Variants in KCNQ5 observed in about 807,000 individuals in gnomAD.
KCNQ5 encodes potassium voltage-gated channel subfamily KQT member 5.
KCNQ5 carries 30 observed loss-of-function variants against 98.2 expected under a neutral mutation model. The observed-to-expected ratio is 0.31, with a 90% CI of 0.23 to 0.41. The LOEUF is 0.41. Ranked by LOEUF, KCNQ5 falls within the 10% of genes least tolerant of loss-of-function variation. The pLI, the probability that KCNQ5 is intolerant of heterozygous loss-of-function variation, is 1.00. For synonymous variants in KCNQ5, 458 were observed against 449.4 expected (o/e 1.02, Z -0.24); for missense variants, 835 against 1,182.5 (o/e 0.71, Z 4.31).
At chr6:72,703,050 A>G (rs1389464559) in intron 1 of KCNQ5, among the ~76,000 whole-genome samples, 2 of 152,138 alleles carry the variant, frequency 1.3e-5, no homozygotes, top group East Asian at 3.8e-4. Flanking sequence ...TAGGATGCAG[A>G]TCTGTTTCTG....
chr6:72,685,500 A>G (rs535958454), intron 1 of KCNQ5, among the ~76,000 whole-genome samples: 1 of 152,196 alleles, frequency 6.6e-6, no homozygotes, highest in South Asian at 2.1e-4. Flanking sequence ...CCAATTTCTT[A>G]CTCCAGAGTC....
At chr6:72,877,881 C>T (rs1443073340) in intron 1 of KCNQ5, among the ~76,000 whole-genome samples, 1 of 152,176 alleles carries the variant, frequency 6.6e-6, no homozygotes, top group Non-Finnish European at 1.5e-5. Context: ...ACCACAGACT[C>T]CTTGAATTTT....
chr6:72,766,631 A>G (rs1772586294), intron 1 of KCNQ5, among the ~76,000 whole-genome samples: 1 of 151,988 alleles, frequency 6.6e-6, no homozygotes, highest in Non-Finnish European at 1.5e-5. Context: ...GGATTTGCTA[A>G]CACTTTCTAT....
chr6:73,146,591 C>T (rs1260621478), intron 10 of KCNQ5, among the ~76,000 whole-genome samples: 1 of 135,874 alleles, frequency 7.4e-6, no homozygotes, highest in Admixed American at 8.1e-5. Flanking sequence ...CGCATCACTG[C>T]ACTCCATCCT....
intron 1 of KCNQ5, among the ~76,000 whole-genome samples, chr6:72,860,853 GTA>G (rs1777735986): frequency 1.4e-5 from 1 of 72,808 alleles, no homozygotes; most frequent in African/African-American, 3.9e-5. Flanking sequence ...GTGTGTGTGT[GTA>G]TGTGTGTGTG....
intron 1 of KCNQ5, among the ~76,000 whole-genome samples, chr6:72,738,461 A>G (rs909163227): frequency 6.6e-6 from 1 of 152,096 alleles, no homozygotes; most frequent in Non-Finnish European, 1.5e-5. Context: ...TCCATTTACT[A>G]TTTTTTAGTA....
intron 1 of KCNQ5, among the ~76,000 whole-genome samples, chr6:72,949,258 T>G (rs1766686319): frequency 6.6e-6 from 1 of 152,184 alleles, no homozygotes; most frequent in African/African-American, 2.4e-5. Flanking sequence ...ATTTCCTCTT[T>G]TGGAGATATT....
intron 1 of KCNQ5, among the ~76,000 whole-genome samples, chr6:72,791,971 T>C (rs928439328): frequency 6.6e-6 from 1 of 152,126 alleles, no homozygotes; most frequent in Non-Finnish European, 1.5e-5. Flanking sequence ...CACATGAACT[T>C]TGGGGGACAC....
At chr6:73,127,375 A>G (rs1776032961) in intron 9 of KCNQ5, among the ~76,000 whole-genome samples, 1 of 152,102 alleles carries the variant, frequency 6.6e-6, no homozygotes, top group Non-Finnish European at 1.5e-5. Flanking sequence ...AGGAGCCAAC[A>G]TTTTCACCTT....
At chr6:72,709,864 T>C (rs1769275817) in intron 1 of KCNQ5, among the ~76,000 whole-genome samples, 1 of 152,176 alleles carries the variant, frequency 6.6e-6, no homozygotes, top group African/African-American at 2.4e-5. Context: ...CTGTACTAGA[T>C]TTGTGGAATA....
intron 5 of KCNQ5, among the ~76,000 whole-genome samples, chr6:73,104,484 G>T (rs977369137): frequency 6.6e-6 from 1 of 152,130 alleles, no homozygotes; most frequent in Non-Finnish European, 1.5e-5. Context: ...CCATGCCCCA[G>T]TCCAGCTGAA....
chr6:73,100,654 G>A (rs372262962), intron 5 of KCNQ5, among the ~76,000 whole-genome samples: 60 of 150,202 alleles, frequency 4.0e-4, no homozygotes, highest in African/African-American at 1.3e-3. Flanking sequence ...GGGCAACAGA[G>A]TGAGACTCTG....
chr6:72,719,829 G>A (rs1203547018), intron 1 of KCNQ5, among the ~76,000 whole-genome samples: 2 of 152,168 alleles, frequency 1.3e-5, no homozygotes, highest in Non-Finnish European at 2.9e-5. Flanking sequence ...GACCACTCCT[G>A]AGGCACTTAC....
chr6:72,743,942 G>A (rs1412481126), intron 1 of KCNQ5, among the ~76,000 whole-genome samples: 2 of 152,204 alleles, frequency 1.3e-5, no homozygotes, highest in Non-Finnish European at 2.9e-5. Flanking sequence ...ATAGGCAGAA[G>A]TTCATTTCTC....
At chr6:73,095,882 C>T (rs9446840) in intron 5 of KCNQ5, among the ~76,000 whole-genome samples, 1 of 152,014 alleles carries the variant, frequency 6.6e-6, no homozygotes. Context: ...TCTCTATTTT[C>T]GTTTTAAAGG....
intron 1 of KCNQ5, among the ~76,000 whole-genome samples, chr6:72,682,697 T>C (rs1475465932): frequency 6.6e-6 from 1 of 152,240 alleles, no homozygotes; most frequent in Admixed American, 6.5e-5. Flanking sequence ...AATTGATTCA[T>C]AATGAAAATA....
At chr6:73,153,180 T>C (rs1777223999) in intron 10 of KCNQ5, among the ~76,000 whole-genome samples, 1 of 152,108 alleles carries the variant, frequency 6.6e-6, no homozygotes, top group South Asian at 2.1e-4. Flanking sequence ...GTAAATCTTG[T>C]TGTTCTTAGC....
intron 1 of KCNQ5, among the ~76,000 whole-genome samples, chr6:72,724,974 C>T (rs1168085314): frequency 1.3e-5 from 2 of 152,150 alleles, no homozygotes; most frequent in Non-Finnish European, 2.9e-5. Context: ...ATAAACAATT[C>T]AACATAATTC....
At chr6:72,981,880 A>G (rs974147786) in intron 1 of KCNQ5, among the ~76,000 whole-genome samples, 1 of 152,218 alleles carries the variant, frequency 6.6e-6, no homozygotes, top group Non-Finnish European at 1.5e-5. Context: ...CTTTCAAAGA[A>G]CATCTTTATT....
Sources: gnomAD v4.1 joint callset for allele counts (sites outside exome capture counted in the v4.1 genomes callset) on GRCh38, gnomAD v4.1.1 for gene constraint, MANE v1.5 for transcripts, NCBI Gene and HGNC (gene_info 2026-07-23, HGNC 2026-07-21) for gene names.